TGFBR1: variants seen among roughly 807,000 people sequenced by gnomAD.
The protein encoded by TGFBR1 is TGF-beta receptor type-1.
TGFBR1 carries 20 observed loss-of-function variants against 55.1 expected under a neutral mutation model. The observed-to-expected ratio is 0.36, with a 90% confidence interval of 0.26 to 0.53. The LOEUF (loss-of-function observed/expected upper bound fraction) is 0.53. Ranked by LOEUF, TGFBR1 falls within the 20% of genes least tolerant of loss-of-function variation. The pLI is 0.91. For synonymous variants in TGFBR1, 220 were observed against 214.8 expected, an observed-to-expected ratio of 1.02 and a Z score of -0.21; for missense variants, 385 against 617.6, an observed-to-expected ratio of 0.62 and a Z score of 3.99.
intron 1 of TGFBR1, among the ~76,000 whole-genome samples, chr9:99,124,216 A>T (rs1424681246): frequency 6.6e-6 from 1 of 152,146 alleles, no homozygotes; most frequent in East Asian, 1.9e-4. Flanking sequence ...CACTTTGATC[A>T]TTCTTCTCAG....
chr9:99,137,546 C>T (rs1827474933), intron 3 of TGFBR1, among the ~76,000 whole-genome samples: 2 of 152,160 alleles, frequency 1.3e-5, no homozygotes, highest in African/African-American at 4.8e-5. Flanking sequence ...TCATTCATTT[C>T]CCTCTACCTT....
chr9:99,130,997 A>C (rs1564151604), intron 2 of TGFBR1, among the ~76,000 whole-genome samples: 1 of 152,226 alleles, frequency 6.6e-6, no homozygotes, highest in Admixed American at 6.5e-5. Context: ...GTTGGTGAGC[A>C]TATTAAGAGA....
chr9:99,147,541 A>C (rs1050873261), intron 7 of TGFBR1, 113 bp from the exon 8 acceptor site: 1 of 1,011,550 alleles, frequency 9.9e-7, no homozygotes, highest in African/African-American at 1.6e-5. Context: ...TCTCTGTTCC[A>C]CATACCTACT....
intron 1 of TGFBR1, among the ~76,000 whole-genome samples, chr9:99,112,162 C>T (rs1826605065): frequency 6.6e-6 from 1 of 152,158 alleles, no homozygotes. Flanking sequence ...AATTGTGCCG[C>T]AGAGGGAATG....
intron 6 of TGFBR1, among the ~76,000 whole-genome samples, chr9:99,145,331 C>T (rs926445897): frequency 1.9e-4 from 29 of 152,190 alleles, no homozygotes; most frequent in Non-Finnish European, 3.8e-4. Flanking sequence ...CTTTACCCTA[C>T]TGTTTCTCAG....
Position 99,153,814 on chromosome 9 carries a change from CT to C in TGFBR1, c.*4510del, listed in dbSNP as rs1334555572. The C allele has an allele frequency of 4.7e-6, 1 of 210,674 alleles. No homozygotes were observed. Among genetic ancestry groups the C allele is most frequent in the Non-Finnish European group, 9.7e-6 (1 of 103,626 alleles). 13.1% of individuals were successfully genotyped at this position (210,674 alleles called of 1,614,324 possible). On this transcript the variant is annotated 3_prime_UTR_variant, in exon 9 of 9. Coordinates refer to ENST00000374994, the MANE Select transcript of TGFBR1 (RefSeq NM_004612.4). Reference sequence around the variant, plus strand: ...TATTATAGCGTGTTCGGGGAGTGCCCTCCTGTCTGCAGGTGTGTCTCTGTGC... The same window carrying C: ...TATTATAGCGTGTTCGGGGAGTGCCCCCTGTCTGCAGGTGTGTCTCTGTGC...
chr9:99,152,159 A>G lies in TGFBR1; in HGVS notation c.*2854A>G, dbSNP rs911915568. 4 of 207,548 alleles carry G rather than the reference A, an allele frequency of 1.9e-5. No individual in the cohort carries two copies. In the Admixed American group the frequency reaches 2.4e-4, roughly 12 times the overall value. The allele number at this position is 207,548 out of a possible 1,614,324, so 12.9% of individuals were successfully genotyped here. On this transcript the variant is annotated 3_prime_UTR_variant, in exon 9 of 9. Transcript: ENST00000374994. ...GGCTGCTCTGGAGACCTAGAGTAAAACGGCTGATGGAAGTTGTGGGACCCA... is the reference window on the plus strand; with the variant it reads ...GGCTGCTCTGGAGACCTAGAGTAAAGCGGCTGATGGAAGTTGTGGGACCCA...
chr9:99,130,302 A>T lies in TGFBR1; in HGVS notation c.343+1202A>T, dbSNP rs538410253. ...TCCCTTTTAGGAAGCACCTGGCTTC[A>T]GTGCTCAGAGGAGCAGACACAGTTG... On this transcript the variant is annotated intron_variant, in intron 2 of 8. Coordinates refer to ENST00000374994, the MANE Select transcript of TGFBR1 (RefSeq NM_004612.4). 7.2e-5 allele frequency among the ~76,000 whole-genome samples: 11 copies of T among 152,350 alleles called. No homozygotes were observed. In the South Asian group the frequency reaches 1.2e-3, roughly 17 times the overall value.
intron 3 of TGFBR1, 38 bp from the exon 4 acceptor site, chr9:99,137,821 T>C: frequency 6.5e-7 from 1 of 1,534,778 alleles, no homozygotes; most frequent in East Asian, 2.3e-5. Flanking sequence ...CATGTAATAT[T>C]GTTGATTGTG....
At chr9:99,116,974 CTCCT>C (rs1211563736) in intron 1 of TGFBR1, among the ~76,000 whole-genome samples, 1 of 152,120 alleles carries the variant, frequency 6.6e-6, no homozygotes, top group Non-Finnish European at 1.5e-5. Flanking sequence ...AATACAAAAG[CTCCT>C]TCCTTTTGGT....
chr9:99,145,951 T>C (rs1827781183), intron 6 of TGFBR1: 1 of 179,518 alleles, frequency 5.6e-6, no homozygotes, highest in South Asian at 1.2e-4. Context: ...GTGTTTAGGG[T>C]GGTATGGCCG....
chr9:99,150,722 G>T lies in TGFBR1; in HGVS notation c.*1417G>T. 1 of 212,770 alleles carries T rather than the reference G, an allele frequency of 4.7e-6. No individual in the cohort carries two copies. The highest frequency in any genetic ancestry group is 9.5e-6 in the Non-Finnish European group (1 of 104,786). 13.2% of individuals were successfully genotyped at this position (212,770 alleles called of 1,614,324 possible). Reference sequence around the variant, plus strand: ...TATGTAATGCATTCAGTGCACCCTTGTTACTTGGGAGAGGTGGTAGCTAAA... The same window carrying T: ...TATGTAATGCATTCAGTGCACCCTTTTTACTTGGGAGAGGTGGTAGCTAAA... On this transcript the variant is annotated 3_prime_UTR_variant, in exon 9 of 9. Transcript: ENST00000374994.
At position 99,153,468 on chromosome 9, in the gene TGFBR1, C is replaced by G. The variant is rs201105741; in HGVS notation, c.*4163C>G. On this transcript the variant is annotated 3_prime_UTR_variant, in exon 9 of 9. Transcript: ENST00000374994. The stretch of plus-strand genomic sequence containing the variant: ...ATTGAAGTCGAATGATACTGAGAAG[C>G]CTGTAAAGAGGAGAAAAAAACATAA... The G allele has an allele frequency of 9.1e-4, 186 of 205,344 alleles. No individual in the cohort carries two copies. Among genetic ancestry groups the G allele is most frequent in the African/African-American group, 4.2e-3 (182 of 43,842 alleles). 12.7% of individuals were successfully genotyped at this position (205,344 alleles called of 1,614,324 possible).
Position 99,151,788 on chromosome 9 carries a change from A to C in TGFBR1, c.*2483A>C, listed in dbSNP as rs919981681. 4.6e-6 allele frequency: 1 copy of C among 216,696 alleles called. No individual in the cohort carries two copies. The highest frequency in any genetic ancestry group is 2.2e-5 in the African/African-American group (1 of 44,584). 13.4% of individuals were successfully genotyped at this position (216,696 alleles called of 1,614,324 possible). ...CCACAATTGGCTGATATTGAAAATG[A>C]AAGAAACTTAAAAGGTGGGATGGAT... On this transcript the variant is annotated 3_prime_UTR_variant, in exon 9 of 9. Transcript: ENST00000374994.
intron 2 of TGFBR1, among the ~76,000 whole-genome samples, chr9:99,131,797 C>T (rs188529085): frequency 2.0e-4 from 30 of 152,006 alleles, no homozygotes; most frequent in African/African-American, 2.7e-4. Context: ...GGTGAAACCC[C>T]GTCTCTATTA....
intron 1 of TGFBR1, among the ~76,000 whole-genome samples, chr9:99,124,175 G>C (rs1177101080): frequency 6.6e-6 from 1 of 152,092 alleles, no homozygotes. Context: ...AGCTTTTCTT[G>C]ATAATCTCTT....
Position 99,149,394 on chromosome 9 carries a change from G to A in TGFBR1, c.*89G>A. 1.3e-6 allele frequency: 2 copies of A among 1,542,480 alleles called. No homozygotes were observed. The highest frequency in any genetic ancestry group is 1.8e-6 in the Non-Finnish European group (2 of 1,117,414). On this transcript the variant is annotated 3_prime_UTR_variant, in exon 9 of 9. Transcript: ENST00000374994. ...GGTCAATTGTTCTACCTCACTGAGA[G>A]GGAACAGAAGGATATTGCTTCCTTT...
At chr9:99,113,748 T>A (rs1286597599) in intron 1 of TGFBR1, among the ~76,000 whole-genome samples, 1 of 152,198 alleles carries the variant, frequency 6.6e-6, no homozygotes, top group Non-Finnish European at 1.5e-5. Flanking sequence ...GAAATACATG[T>A]CTGTGTAATG....
At chr9:99,104,318 C>T (rs1392136933), upstream of TGFBR1, among the ~76,000 whole-genome samples, 2 of 152,160 alleles carry the variant, frequency 1.3e-5, no homozygotes, top group Non-Finnish European at 2.9e-5. Flanking sequence ...CCCTTTCCAA[C>T]CTGGATCGGG....
Sources: gnomAD v4.1 joint callset for allele counts (sites outside exome capture counted in the v4.1 genomes callset) on GRCh38, gnomAD v4.1.1 for gene constraint, MANE v1.5 for transcripts, NCBI Gene and HGNC (gene_info 2026-07-23, HGNC 2026-07-21) for gene names.